Variants in UTRN observed in about 807,000 individuals in gnomAD.
UTRN encodes dystrophin-related protein 1.
UTRN carries 283 observed loss-of-function variants against 463.9 expected under a neutral mutation model. That is an observed-to-expected ratio of 0.61 (90% confidence interval 0.55 to 0.67). The LOEUF is 0.67. UTRN is among the 30% of genes least tolerant of loss of function. The probability of loss-of-function intolerance (pLI) is 0.00; values close to 1 mark genes in which losing one functional copy is unlikely to be tolerated. For synonymous variants in UTRN, 1,442 were observed against 1,431.5 expected (o/e 1.01, Z -0.17); for missense variants, 3,922 against 4,084.3 (o/e 0.96, Z 1.08).
intron 35 of UTRN, among the ~76,000 whole-genome samples, chr6:144,511,641 T>G (rs1562506535): frequency 2.0e-5 from 3 of 152,214 alleles, no homozygotes; most frequent in Non-Finnish European, 4.4e-5. Flanking sequence ...TGATTGATTA[T>G]GAGCCTTAAA....
Position 144,700,081 on chromosome 6 carries a change from C to T in UTRN, c.7653-6C>T. On this transcript the variant is annotated splice_region_variant and splice_polypyrimidine_tract_variant and intron_variant, in intron 52 of 74. Coordinates refer to ENST00000367545, the MANE Select transcript of UTRN (RefSeq NM_007124.3). ...GGTTATTATTATTATTATTATCTCT[C>T]AACAGGGCCCATTTGGAGGCCAGCG... 6.3e-7 allele frequency: 1 copy of T among 1,586,254 alleles called. No homozygotes were observed. Among genetic ancestry groups the T allele is most frequent in the Non-Finnish European group, 8.6e-7 (1 of 1,163,690 alleles).
At chr6:144,415,912 G>C (rs369949179) in intron 3 of UTRN, among the ~76,000 whole-genome samples, 1 of 152,130 alleles carries the variant, frequency 6.6e-6, no homozygotes, top group East Asian at 1.9e-4. Flanking sequence ...CTGGTGGGTA[G>C]GTTAGAGGTG....
At chr6:144,732,247 T>TATATATAC (rs1788684185) in intron 54 of UTRN, among the ~76,000 whole-genome samples, 6 of 112,928 alleles carry the variant, frequency 5.3e-5, no homozygotes, top group African/African-American at 2.5e-4. Context: ...TACATATATA[T>TATATATAC]ATATATATAT....
At chr6:144,369,043 T>C (rs1457560363) in intron 2 of UTRN, among the ~76,000 whole-genome samples, 1 of 152,222 alleles carries the variant, frequency 6.6e-6, no homozygotes, top group Non-Finnish European at 1.5e-5. Flanking sequence ...GAGAGGTCTT[T>C]AAAAAAATTG....
At chr6:144,658,011 A>G (rs1779504267) in intron 51 of UTRN, among the ~76,000 whole-genome samples, 1 of 152,184 alleles carries the variant, frequency 6.6e-6, no homozygotes, top group Non-Finnish European at 1.5e-5. Context: ...TTTACAGACC[A>G]GGTTCCCTGT....
chr6:144,324,077 G>A (rs1250102178), intron 2 of UTRN, among the ~76,000 whole-genome samples: 1 of 152,214 alleles, frequency 6.6e-6, no homozygotes, highest in South Asian at 2.1e-4. Flanking sequence ...AGGGGTCAGA[G>A]AAAGCTGAGC....
intron 2 of UTRN, among the ~76,000 whole-genome samples, chr6:144,363,132 A>G (rs1779220441): frequency 6.6e-6 from 1 of 152,202 alleles, no homozygotes; most frequent in African/African-American, 2.4e-5. Flanking sequence ...TGGACACACA[A>G]TAGTATTTAA....
chr6:144,828,894 A>G (rs1424531732), intron 69 of UTRN, 39 bp downstream of exon 69: 13 of 1,596,636 alleles, frequency 8.1e-6, no homozygotes, highest in Non-Finnish European at 1.0e-5. Context: ...TGGGAAGGCT[A>G]GTTCTTGTAT....
At chr6:144,752,810 C>T (rs1325653312) in intron 56 of UTRN, among the ~76,000 whole-genome samples, 3 of 151,842 alleles carry the variant, frequency 2.0e-5, no homozygotes, top group Non-Finnish European at 4.4e-5. Flanking sequence ...TGATTTACTT[C>T]CCATTCTATT....
At chr6:144,359,116 T>G (rs748142509) in intron 2 of UTRN, among the ~76,000 whole-genome samples, 1 of 152,202 alleles carries the variant, frequency 6.6e-6, no homozygotes, top group Non-Finnish European at 1.5e-5. Flanking sequence ...AAAATGGAGA[T>G]AATACAAGTA....
intron 52 of UTRN, among the ~76,000 whole-genome samples, chr6:144,690,861 T>C (rs1222190417): frequency 1.3e-5 from 2 of 152,196 alleles, no homozygotes; most frequent in East Asian, 3.8e-4. Context: ...TTTCACACTC[T>C]GGGGACTTAC....
chr6:144,564,025 T>C (rs898303835), intron 50 of UTRN, among the ~76,000 whole-genome samples: 6 of 152,168 alleles, frequency 3.9e-5, no homozygotes, highest in Admixed American at 6.5e-5. Context: ...TTCCATTAAT[T>C]GATTAATCAA....
At chr6:144,461,412 T>C in intron 22 of UTRN, 70 bp downstream of exon 22, 1 of 1,340,652 alleles carries the variant, frequency 7.5e-7, no homozygotes, top group Non-Finnish European at 9.7e-7. Context: ...TTTTGAAATG[T>C]TTTTTCAGAG....
chr6:144,714,659 A>G (rs1220686041), intron 53 of UTRN, among the ~76,000 whole-genome samples: 1 of 152,164 alleles, frequency 6.6e-6, no homozygotes, highest in East Asian at 1.9e-4. Flanking sequence ...ATTAACATAT[A>G]TATTCTGACA....
At chr6:144,448,227 A>C (rs545160364) in intron 16 of UTRN, among the ~76,000 whole-genome samples, 1 of 152,358 alleles carries the variant, frequency 6.6e-6, no homozygotes, top group South Asian at 2.1e-4. Context: ...AGAACGAAGT[A>C]TTGACACATG....
At chr6:144,846,773 C>T in intron 73 of UTRN, 32 bp from the exon 74 acceptor site, 1 of 1,613,954 alleles carries the variant, frequency 6.2e-7, no homozygotes, top group Non-Finnish European at 8.5e-7. Flanking sequence ...ACAGGACTGC[C>T]ATTAAGTGAT....
At chr6:144,559,903 A>G (rs187474298) in intron 50 of UTRN, among the ~76,000 whole-genome samples, 2 of 152,292 alleles carry the variant, frequency 1.3e-5, no homozygotes, top group Non-Finnish European at 2.9e-5. Flanking sequence ...CAACACAGTC[A>G]GGATGATATT....
At chr6:144,295,087 G>T (rs756600227) in intron 2 of UTRN, among the ~76,000 whole-genome samples, 2 of 152,160 alleles carry the variant, frequency 1.3e-5, no homozygotes, top group Non-Finnish European at 2.9e-5. Flanking sequence ...TAATTAGTAG[G>T]CTTTAGAAAG....
chr6:144,774,033 T>C (rs1170537286), intron 59 of UTRN, among the ~76,000 whole-genome samples: 1 of 152,220 alleles, frequency 6.6e-6, no homozygotes, highest in Admixed American at 6.5e-5. Context: ...CAACCCACCA[T>C]GTTCTGAGCC....
Sources: gnomAD v4.1 joint callset for allele counts (sites outside exome capture counted in the v4.1 genomes callset) on GRCh38, gnomAD v4.1.1 for gene constraint, MANE v1.5 for transcripts, NCBI Gene and HGNC (gene_info 2026-07-23, HGNC 2026-07-21) for gene names.